CD63: variants seen among roughly 807,000 people sequenced by gnomAD.
CD63 encodes the protein CD63 molecule.
A neutral mutation model predicts 29.2 loss-of-function variants in CD63; 16 were observed. The observed-to-expected ratio is 0.55, with a 90% CI of 0.37 to 0.83. The LOEUF (loss-of-function observed/expected upper bound fraction) is 0.83. Ranked by LOEUF, CD63 falls within the 40% of genes least tolerant of loss-of-function variation. CD63 has a pLI of 0.00. For synonymous variants in CD63, 118 were observed against 111.7 expected (o/e 1.06, Z -0.36); for missense variants, 251 against 297.3 (o/e 0.84, Z 1.15).
At chr12:55,723,673 C>T (rs1355891168), downstream of CD63, 6 of 579,458 alleles carry the variant, frequency 1.0e-5, no homozygotes, top group Admixed American at 3.0e-5. Flanking sequence ...AAGAAAAAAA[C>T]GTGCTGACCC....
At chr12:55,727,028 C>G in intron 3 of CD63, 64 bp from the exon 4 acceptor site, 2 of 1,579,054 alleles carry the variant, frequency 1.3e-6, no homozygotes, top group Non-Finnish European at 1.7e-6. Flanking sequence ...CGTTTTGGCA[C>G]AGCCGGTCCC....
intron 2 of CD63, chr12:55,727,888 G>C (rs1211258627): frequency 9.2e-6 from 10 of 1,091,732 alleles, no homozygotes; most frequent in Non-Finnish European, 1.1e-5. Flanking sequence ...AGGAGGGAAA[G>C]GGGGAGAGGG....
chr12:55,725,696 G>A (rs1877235225), intron 7 of CD63, 70 bp from the exon 8 acceptor site: 1 of 1,525,670 alleles, frequency 6.6e-7, no homozygotes, highest in Non-Finnish European at 9.1e-7. Flanking sequence ...CCATGCAAGA[G>A]ACTCCAAACA....
chr12:55,723,656 G>A (rs994857729), downstream of CD63: 1 of 555,324 alleles, frequency 1.8e-6, no homozygotes, highest in African/African-American at 1.9e-5. Flanking sequence ...TAACTCTCTG[G>A]CCCTTTAAGA....
Position 55,728,912 on chromosome 12 carries a change from C to G in CD63, c.-12+41G>C. ...GAGGAAGGGACTGCGGGTGGTCTCTCCCAGCCCGCGCCGAAGTCCGCCGGG... is the reference window on the plus strand; with the variant it reads ...GAGGAAGGGACTGCGGGTGGTCTCTGCCAGCCCGCGCCGAAGTCCGCCGGG... On this transcript the variant is annotated intron_variant, in intron 1 of 7. Coordinates refer to ENST00000257857, the MANE Select transcript of CD63 (RefSeq NM_001780.6). This position sits in a 1 kb window ranked among gnomAD's most constrained non-coding sequence, Gnocchi z 4.8. 3 of 985,810 alleles carry G rather than the reference C, an allele frequency of 3.0e-6. No individual in the cohort carries two copies. The South Asian group carries it at 1.4e-4, about 46-fold the overall frequency. The allele number at this position is 985,810 out of a possible 1,614,324, so 61.1% of individuals were successfully genotyped here.
In CD63 at chr12:55,727,263, G is replaced by A. The variant is rs1235742611; in HGVS notation, c.143C>T (p.Thr48Ile). 1.9e-6 allele frequency: 3 copies of A among 1,613,926 alleles called. No homozygotes were observed. Among genetic ancestry groups the A allele is most frequent in the African/African-American group, 1.3e-5 (1 of 75,050 alleles). ...VLSQTIIQGATPGSLLPVVII... is the reference protein window; with the variant it reads ...VLSQTIIQGAIPGSLLPVVII... Reference sequence around the variant, plus strand: ...GACCACTGGCAACAGAGAGCCAGGGGTAGCCCCCTGGATTATGGTCTGACT... The same window carrying A: ...GACCACTGGCAACAGAGAGCCAGGGATAGCCCCCTGGATTATGGTCTGACT... Residue 48 changes from threonine (T) to isoleucine (I), a missense_variant, in exon 3 of 8, where the codon ACC becomes ATC. By Grantham distance (89) the Thr-to-Ile change is moderately conservative (BLOSUM62 -1). Transcript: ENST00000257857.
Position 55,728,546 on chromosome 12 carries a change from G to C in CD63, c.-11-194C>G. The C allele has an allele frequency of 7.0e-7, 1 of 1,432,198 alleles. No individual in the cohort carries two copies. The highest frequency in any genetic ancestry group is 9.1e-7 in the Non-Finnish European group (1 of 1,098,422). 88.7% of individuals were successfully genotyped at this position (1,432,198 alleles called of 1,614,324 possible). ...GGAGAGGGGTGGGGGCGACGGCCGC[G>C]AAGCCCGGACCCCGCCCCGCCGCCT... On this transcript the variant is annotated intron_variant, in intron 1 of 7. Coordinates refer to ENST00000257857, the MANE Select transcript of CD63 (RefSeq NM_001780.6). The surrounding 1 kb of genome is among the most constrained non-coding windows in gnomAD (Gnocchi z 4.8).
intron 2 of CD63, chr12:55,727,794 AC>A (rs1877580445): frequency 1.1e-6 from 1 of 938,016 alleles, no homozygotes; most frequent in African/African-American, 1.8e-5. Context: ...CCCTCCCTAG[AC>A]AAACAGTAGC....
intron 3 of CD63, 36 bp from the exon 4 acceptor site, chr12:55,727,000 C>A: frequency 1.2e-6 from 2 of 1,605,946 alleles, no homozygotes; most frequent in South Asian, 2.2e-5. Flanking sequence ...AGTTTGGAGT[C>A]TATGCATTAC....
At chr12:55,727,884 G>A (rs1253301597) in intron 2 of CD63, 2 of 1,087,456 alleles carry the variant, frequency 1.8e-6, no homozygotes, top group Middle Eastern at 4.0e-4. Context: ...TGGGAGGAGG[G>A]AAAGGGGGAG....
rs1877718067 is a variant in CD63, at chr12:55,728,874, G to A, written c.-12+79C>T. 1.0e-6 allele frequency: 1 copy of A among 989,692 alleles called. No individual in the cohort carries two copies. Among genetic ancestry groups the A allele is most frequent in the South Asian group, 4.4e-5 (1 of 22,540 alleles). The allele number at this position is 989,692 out of a possible 1,614,324, so 61.3% of individuals were successfully genotyped here. A position where few individuals can be genotyped will look rare whatever the true frequency, so the allele number is the denominator to read the frequency against. On this transcript the variant is annotated intron_variant, in intron 1 of 7. Coordinates refer to ENST00000257857, the MANE Select transcript of CD63 (RefSeq NM_001780.6). The surrounding 1 kb of genome is among the most constrained non-coding windows in gnomAD (Gnocchi z 4.8). ...GCGCCGGACGAGTCTCCGCGGGCCT[G>A]GGGCGAGCCCTGGAGGAAGGGACTG...
downstream of CD63, chr12:55,724,239 A>G: frequency 6.5e-7 from 1 of 1,538,492 alleles, no homozygotes; most frequent in East Asian, 2.3e-5. Context: ...TGAGGGTGAC[A>G]AGCCCAGGGC....
At chr12:55,726,431 G>A (rs890052909) in intron 5 of CD63, 170 bp from the exon 6 acceptor site, 11 of 593,310 alleles carry the variant, frequency 1.9e-5, no homozygotes, top group Non-Finnish European at 2.2e-5. Flanking sequence ...TGCAACCTCC[G>A]CCTCCCGGGT....
chr12:55,726,300 G>A (rs771479636), intron 5 of CD63, 39 bp from the exon 6 acceptor site: 42 of 1,049,224 alleles, frequency 4.0e-5, no homozygotes. Context: ...AGGTTGTTAA[G>A]TGAACCTTCA....
chr12:55,724,524 G>A, downstream of CD63: 1 of 1,612,024 alleles, frequency 6.2e-7, no homozygotes, highest in South Asian at 1.1e-5. Context: ...TCCTTCCCAA[G>A]CCTGCCCAAG....
chr12:55,723,947 CCT>C (rs763855790), downstream of CD63: 8 of 1,614,032 alleles, frequency 5.0e-6, no homozygotes, highest in South Asian at 5.5e-5. Flanking sequence ...CTTCCGAACC[CCT>C]GTGACCAACC....
intron 2 of CD63, 153 bp from the exon 3 acceptor site, chr12:55,727,492 G>A (rs2136152635): frequency 1.7e-6 from 2 of 1,181,910 alleles, no homozygotes; most frequent in East Asian, 2.7e-5. Flanking sequence ...TGGGGTAGGG[G>A]GATGACCCAT....
Position 55,725,366 on chromosome 12 carries a change from A to G in CD63, c.*195T>C. ...TCCTCCTTTCCCAAACACCCCCCAAAATAGACCTCGAAGTACACATGCATT... is the reference window on the plus strand; with the variant it reads ...TCCTCCTTTCCCAAACACCCCCCAAGATAGACCTCGAAGTACACATGCATT... On this transcript the variant is annotated 3_prime_UTR_variant, in exon 8 of 8. Transcript: ENST00000257857. The G allele has an allele frequency of 3.3e-6, 2 of 602,506 alleles. No individual in the cohort carries two copies. The highest frequency in any genetic ancestry group is 2.9e-5 in the Admixed American group (1 of 34,028). 37.3% of individuals were successfully genotyped at this position (602,506 alleles called of 1,614,324 possible). A position where few individuals can be genotyped will look rare whatever the true frequency, so the allele number is the denominator to read the frequency against.
upstream of CD63, chr12:55,729,831 G>C (rs931991760): frequency 6.6e-6 from 1 of 152,300 alleles, no homozygotes; most frequent in African/African-American, 2.4e-5. Flanking sequence ...GGGCTTGGGG[G>C]AAGACACGAA....
Sources: gnomAD v4.1 joint callset for allele counts on GRCh38, gnomAD v4.1.1 for gene constraint, Gnocchi (gnomAD v3.1) non-coding constraint, MANE v1.5 for transcripts, NCBI Gene and HGNC (gene_info 2026-07-23, HGNC 2026-07-21) for gene names.